Variants in AP3S1 observed in about 807,000 individuals in gnomAD.
AP3S1 encodes adaptor related protein complex 3 subunit sigma 1, also known as AP-3 complex subunit sigma-1.
In AP3S1, 12 loss-of-function variants were observed where a neutral mutation model predicts 21.3. That is an observed-to-expected ratio of 0.56 (90% CI 0.36 to 0.91). The LOEUF (loss-of-function observed/expected upper bound fraction) is 0.91, where lower values mean the gene tolerates loss of function less well. Among genes scored for constraint, AP3S1 ranks in the 40% least tolerant of loss-of-function variants. The pLI, the probability that AP3S1 is intolerant of heterozygous loss-of-function variation, is 0.01. For missense variants in AP3S1, 116 were observed against 225.0 expected (o/e 0.52, Z 3.10); for synonymous variants, 48 against 78.4 (o/e 0.61, Z 2.05).
intron 1 of AP3S1, among the ~76,000 whole-genome samples, chr5:115,857,310 A>C (rs1302685253): frequency 1.3e-5 from 2 of 152,208 alleles, no homozygotes; most frequent in African/African-American, 4.8e-5. Context: ...ATATCATTCT[A>C]CAAGTATGTA....
chr5:115,865,416 A>G (rs1273354358), intron 1 of AP3S1, among the ~76,000 whole-genome samples: 1 of 152,164 alleles, frequency 6.6e-6, no homozygotes. Context: ...ACATTGTTCA[A>G]GGGTCAACTG....
rs1762277029 is a variant in AP3S1 at position 115,849,343 on chromosome 5, T to C, written c.69+7237T>C. Among the ~76,000 whole-genome samples the C allele has an allele frequency of 2.0e-5, 3 of 152,310 alleles. No homozygotes were observed. The South Asian group carries it at 6.2e-4, about 32-fold the overall frequency. ...ACGACCTGACATTTGAGAGGAAAAC[T>C]GAATGAGATAAGAGAGGAAGAATAT... On this transcript the variant is annotated intron_variant, in intron 1 of 5. Transcript: ENST00000316788.
chr5:115,894,883 T>C (rs772485644), intron 3 of AP3S1, among the ~76,000 whole-genome samples: 5 of 152,206 alleles, frequency 3.3e-5, no homozygotes, highest in East Asian at 3.8e-4. Flanking sequence ...TCTATACTTA[T>C]GTATTGAAAA....
At chr5:115,905,337 A>C (rs541042682) in intron 5 of AP3S1, among the ~76,000 whole-genome samples, 107 of 152,352 alleles carry the variant, frequency 7.0e-4, no homozygotes, top group Non-Finnish European at 1.2e-3. Flanking sequence ...AAATCTATTC[A>C]CAGAAATAAT....
At chr5:115,912,295 T>C (rs905346813) in intron 5 of AP3S1, among the ~76,000 whole-genome samples, 1 of 152,038 alleles carries the variant, frequency 6.6e-6, no homozygotes, top group Non-Finnish European at 1.5e-5. Flanking sequence ...GTTTTTGTTG[T>C]CTATTTTTGT....
At chr5:115,845,522 C>T (rs886087826) in intron 1 of AP3S1, among the ~76,000 whole-genome samples, 1 of 152,054 alleles carries the variant, frequency 6.6e-6, no homozygotes, top group African/African-American at 2.4e-5. Flanking sequence ...GTTCATTCTG[C>T]TAGAGTCAGA....
intron 1 of AP3S1, among the ~76,000 whole-genome samples, chr5:115,864,356 T>G (rs1026191889): frequency 3.9e-5 from 6 of 152,180 alleles, no homozygotes; most frequent in African/African-American, 1.4e-4. Flanking sequence ...CAGAACCCCA[T>G]GAGTTCAACA....
chr5:115,896,799 G>C (rs1264695734), intron 4 of AP3S1, among the ~76,000 whole-genome samples: 1 of 152,210 alleles, frequency 6.6e-6, no homozygotes, highest in South Asian at 2.1e-4. Flanking sequence ...AAAAATTTAT[G>C]TTTTGGTACA....
At chr5:115,894,957 C>G (rs1750624320) in intron 3 of AP3S1, 130 bp from the exon 4 acceptor site, 2 of 578,332 alleles carry the variant, frequency 3.5e-6, no homozygotes, top group South Asian at 5.3e-5. Context: ...TGCATTAATA[C>G]AATTTTTAGT....
At chr5:115,870,380 C>A (rs1748121222) in intron 3 of AP3S1, among the ~76,000 whole-genome samples, 1 of 152,104 alleles carries the variant, frequency 6.6e-6, no homozygotes, top group Non-Finnish European at 1.5e-5. Context: ...GCTTAAGACT[C>A]GTGGGTTTCT....
chr5:115,880,570 C>G (rs935724487), intron 3 of AP3S1, among the ~76,000 whole-genome samples: 3 of 151,864 alleles, frequency 2.0e-5, no homozygotes, highest in African/African-American at 7.2e-5. Context: ...AGAGTCTGTT[C>G]ATTATGATTT....
chr5:115,890,337 T>C (rs1750182642), intron 3 of AP3S1, among the ~76,000 whole-genome samples: 2 of 152,246 alleles, frequency 1.3e-5, no homozygotes, highest in South Asian at 4.1e-4. Context: ...TTAGCTGTTG[T>C]ATTATGTAAT....
At chr5:115,862,217 C>T (rs1304812177) in intron 1 of AP3S1, among the ~76,000 whole-genome samples, 1 of 151,974 alleles carries the variant, frequency 6.6e-6, no homozygotes, top group African/African-American at 2.4e-5. Context: ...TCAACTCTTG[C>T]AAGGGTCTAC....
At chr5:115,844,177 A>AT (rs1201219842) in intron 1 of AP3S1, among the ~76,000 whole-genome samples, 2 of 151,976 alleles carry the variant, frequency 1.3e-5, no homozygotes, top group Non-Finnish European at 1.5e-5. Flanking sequence ...GAGGGCAGTT[A>AT]TTTTTTTTCA....
intron 1 of AP3S1, among the ~76,000 whole-genome samples, chr5:115,864,662 C>T (rs1312716242): frequency 1.3e-5 from 2 of 152,250 alleles, no homozygotes; most frequent in African/African-American, 4.8e-5. Flanking sequence ...ATTTATGACA[C>T]AACCAATCAA....
intron 1 of AP3S1, among the ~76,000 whole-genome samples, chr5:115,861,614 G>A (rs1033065374): frequency 6.6e-6 from 1 of 152,010 alleles, no homozygotes; most frequent in Admixed American, 6.6e-5. Context: ...GATTGTGGTG[G>A]CATGATCTTG....
At chr5:115,908,211 ATAG>A (rs1484734739) in intron 5 of AP3S1, among the ~76,000 whole-genome samples, 6 of 152,300 alleles carry the variant, frequency 3.9e-5, no homozygotes, top group South Asian at 2.1e-4. Context: ...TAGAGAATAC[ATAG>A]TAGTCTCATT....
intron 2 of AP3S1, among the ~76,000 whole-genome samples, chr5:115,867,419 A>G (rs1203520737): frequency 6.6e-6 from 1 of 152,206 alleles, no homozygotes; most frequent in East Asian, 1.9e-4. Context: ...GCCAAATATT[A>G]CAAACAAATA....
At position 115,842,746 on chromosome 5, in the gene AP3S1, C is replaced by G. The variant is rs116637075; in HGVS notation, c.69+640C>G. The stretch of plus-strand genomic sequence containing the variant: ...GCCCAGTGTGACTTTCAGGTGTCTC[C>G]TTATTGAAAAGGAAGATATGTGAGG... On this transcript the variant is annotated intron_variant, in intron 1 of 5. Coordinates refer to ENST00000316788, the MANE Select transcript of AP3S1 (RefSeq NM_001284.4). 6.3e-3 allele frequency among the ~76,000 whole-genome samples: 956 copies of G among 152,284 alleles called. 10 individuals are homozygous for G. Among genetic ancestry groups the G allele is most frequent in the African/African-American group, 0.022 (913 of 41,558 alleles).
Sources: gnomAD v4.1 joint callset for allele counts (sites outside exome capture counted in the v4.1 genomes callset) on GRCh38, gnomAD v4.1.1 for gene constraint, MANE v1.5 for transcripts, NCBI Gene and HGNC (gene_info 2026-07-23, HGNC 2026-07-21) for gene names.